BNC2: variants seen among roughly 807,000 people sequenced by gnomAD.
The protein encoded by BNC2 is basonuclin zinc finger protein 2.
In BNC2, 20 loss-of-function variants were observed where a neutral mutation model predicts 76.3. That is an observed-to-expected ratio of 0.26 (90% CI 0.18 to 0.38). The LOEUF (loss-of-function observed/expected upper bound fraction) is 0.38. BNC2 is among the 10% of genes least tolerant of loss of function. BNC2 has a pLI of 1.00. For synonymous variants in BNC2, 582 were observed against 514.8 expected (o/e 1.13, Z -1.77); for missense variants, 1,382 against 1,399.8 (o/e 0.99, Z 0.20).
chr9:16,788,327 GC>G (rs1563943614), intron 1 of BNC2, among the ~76,000 whole-genome samples: 2 of 151,512 alleles, frequency 1.3e-5, no homozygotes, highest in Non-Finnish European at 3.0e-5. Context: ...GCCAAGGTGG[GC>G]AGATCATGAA....
chr9:16,547,925 G>A (rs1818537728), intron 5 of BNC2, among the ~76,000 whole-genome samples: 1 of 152,182 alleles, frequency 6.6e-6, no homozygotes, highest in South Asian at 2.1e-4. Flanking sequence ...GAAAGATCCA[G>A]TATGTAGTTA....
At chr9:16,810,698 A>G (rs753982258) in intron 1 of BNC2, among the ~76,000 whole-genome samples, 3 of 152,184 alleles carry the variant, frequency 2.0e-5, no homozygotes, top group African/African-American at 7.2e-5. Context: ...CATAGTAAGG[A>G]TAAGTTCATG....
intron 5 of BNC2, among the ~76,000 whole-genome samples, chr9:16,503,547 C>G (rs10962461): frequency 0.044 from 6,689 of 152,056 alleles, 334 homozygotes; most frequent in East Asian, 0.25. Context: ...TACAGTCACT[C>G]GTTGAGAACT....
chr9:16,728,051 T>A, intron 2 of BNC2, 54 bp from the exon 3 acceptor site: 1 of 1,414,474 alleles, frequency 7.1e-7, no homozygotes, highest in Non-Finnish European at 9.6e-7. Flanking sequence ...AGCAGGAGTG[T>A]AGTGTAGTTA....
intron 1 of BNC2, among the ~76,000 whole-genome samples, chr9:16,811,421 G>A (rs981920986): frequency 4.0e-5 from 6 of 150,896 alleles, no homozygotes; most frequent in East Asian, 2.0e-4. Context: ...GCATAGTGGC[G>A]GGCACCTGTA....
chr9:16,476,073 G>C (rs539478863), intron 5 of BNC2: 17 of 152,216 alleles, frequency 1.1e-4, no homozygotes, highest in African/African-American at 2.6e-4. Context: ...TGAGAACGAG[G>C]AGTTTTGCTT....
At chr9:16,661,094 C>T (rs6475067) in intron 3 of BNC2, among the ~76,000 whole-genome samples, 86,111 of 151,960 alleles carry the variant, frequency 0.57, 29,437 homozygotes, top group East Asian at 1. Flanking sequence ...TCAAGAAAAG[C>T]AATTAACCTT....
chr9:16,414,266 A>G lies in BNC2; in HGVS notation c.*4723T>C, dbSNP rs952591364. The stretch of plus-strand genomic sequence containing the variant: ...TATGCCAGTCTTTTCTCTCGAGCCA[A>G]CATTTCCAGTGCATTCATGATTTCC... On this transcript the variant is annotated 3_prime_UTR_variant, in exon 7 of 7. Coordinates refer to ENST00000380672, the MANE Select transcript of BNC2 (RefSeq NM_017637.6). 2 of 152,282 alleles carry G rather than the reference A, an allele frequency of 1.3e-5. No individual in the cohort carries two copies. The highest frequency in any genetic ancestry group is 2.4e-5 in the African/African-American group (1 of 41,446). The allele number at this position is 152,282 out of a possible 1,614,324, so 9.4% of individuals were successfully genotyped here.
At chr9:16,601,734 A>G (rs1820249973) in intron 3 of BNC2, among the ~76,000 whole-genome samples, 1 of 152,274 alleles carries the variant, frequency 6.6e-6, no homozygotes, top group African/African-American at 2.4e-5. Context: ...GATTAATATG[A>G]CTAATCAATT....
intron 4 of BNC2, among the ~76,000 whole-genome samples, chr9:16,580,555 G>GA (rs1178719085): frequency 6.6e-6 from 1 of 152,022 alleles, no homozygotes; most frequent in Non-Finnish European, 1.5e-5. Context: ...CACTGGCCAG[G>GA]AATAATTTAT....
chr9:16,476,240 C>T (rs1339714569), intron 5 of BNC2: 1 of 152,188 alleles, frequency 6.6e-6, no homozygotes, highest in Non-Finnish European at 1.5e-5. Flanking sequence ...ATCTACTCCC[C>T]TGTGGAAGAT....
intron 3 of BNC2, among the ~76,000 whole-genome samples, chr9:16,592,008 TG>T (rs1190580948): frequency 6.6e-6 from 1 of 152,118 alleles, no homozygotes; most frequent in African/African-American, 2.4e-5. Context: ...CGCAAGAGCC[TG>T]GGTTTGCTGG....
At chr9:16,669,234 C>A (rs1346814819) in intron 3 of BNC2, among the ~76,000 whole-genome samples, 6 of 152,248 alleles carry the variant, frequency 3.9e-5, no homozygotes, top group Admixed American at 2.6e-4. Context: ...AAGTGACCAA[C>A]CACAAGATAA....
intron 1 of BNC2, among the ~76,000 whole-genome samples, chr9:16,838,518 T>G (rs1818757008): frequency 6.6e-6 from 1 of 151,880 alleles, no homozygotes; most frequent in Non-Finnish European, 1.5e-5. Flanking sequence ...CCAAGAGCAC[T>G]CCATTGCACT....
At chr9:16,587,255 C>T (rs1320500264) in intron 3 of BNC2, among the ~76,000 whole-genome samples, 1 of 150,850 alleles carries the variant, frequency 6.6e-6, no homozygotes, top group Non-Finnish European at 1.5e-5. Context: ...GCTCTGTCAC[C>T]CAGGCTGGAG....
At chr9:16,794,101 T>C (rs922007339) in intron 1 of BNC2, among the ~76,000 whole-genome samples, 6 of 152,268 alleles carry the variant, frequency 3.9e-5, no homozygotes, top group Middle Eastern at 3.4e-3. Flanking sequence ...TAGCACCCAG[T>C]GCTGGGTATC....
At chr9:16,673,819 G>A (rs564901595) in intron 3 of BNC2, among the ~76,000 whole-genome samples, 2 of 152,142 alleles carry the variant, frequency 1.3e-5, no homozygotes, top group East Asian at 3.9e-4. Context: ...TTAATGTGTT[G>A]AACTCTGAGA....
chr9:16,456,916 T>C (rs2131160162), intron 5 of BNC2, among the ~76,000 whole-genome samples: 1 of 152,320 alleles, frequency 6.6e-6, no homozygotes, highest in East Asian at 1.9e-4. Flanking sequence ...GGGTCAACTG[T>C]CACTTTATCA....
chr9:16,739,077 T>C (rs1824764603), intron 1 of BNC2, among the ~76,000 whole-genome samples: 1 of 149,800 alleles, frequency 6.7e-6, no homozygotes, highest in Non-Finnish European at 1.5e-5. Context: ...ACACTGAGCG[T>C]AGATTATATT....
Sources: gnomAD v4.1 joint callset for allele counts (sites outside exome capture counted in the v4.1 genomes callset) on GRCh38, gnomAD v4.1.1 for gene constraint, MANE v1.5 for transcripts, NCBI Gene and HGNC (gene_info 2026-07-23, HGNC 2026-07-21) for gene names.